The following TIAM1 variants were observed in gnomAD, a reference collection of about 807,000 sequenced individuals.
TIAM1 encodes the protein TIAM Rac1 associated GEF 1.
TIAM1 carries 65 observed loss-of-function variants against 163.5 expected under a neutral mutation model. The observed-to-expected ratio is 0.40, with a 90% CI of 0.33 to 0.49. The LOEUF (loss-of-function observed/expected upper bound fraction) is 0.49. TIAM1 is among the 20% of genes least tolerant of loss of function. The pLI is 0.77. For synonymous variants in TIAM1, 833 were observed against 810.1 expected (o/e 1.03, Z -0.48); for missense variants, 1,789 against 2,044.7 (o/e 0.87, Z 2.41).
intron 2 of TIAM1, among the ~76,000 whole-genome samples, chr21:31,413,264 C>CTTTTTTTTTTTTTTTTT (rs397866519): frequency 4.6e-5 from 4 of 87,876 alleles, no homozygotes; most frequent in Non-Finnish European, 8.1e-5. Flanking sequence ...CTTTTCTTTT[C>CTTTTTTTTTTTTTTTTT]TTTTTTTTTT....
rs151181304 is a variant in TIAM1, at chr21:31,505,734, T to G, written c.-421-41699A>C. Among the ~76,000 whole-genome samples the G allele has an allele frequency of 2.8e-3, 429 of 152,198 alleles. 6 individuals carry two copies. Among genetic ancestry groups the G allele is most frequent in the African/African-American group, 9.3e-3 (385 of 41,536 alleles). On this transcript the variant is annotated intron_variant, in intron 1 of 28. Transcript: ENST00000286827. ...AGCTGATGCCAGGCCGGGCACGGCATCAGATTTTTTTTGTAATCCTAGCAG... is the reference window on the plus strand; with the variant it reads ...AGCTGATGCCAGGCCGGGCACGGCAGCAGATTTTTTTTGTAATCCTAGCAG...
chr21:31,165,265 AT>A (rs1225876923), intron 15 of TIAM1, among the ~76,000 whole-genome samples, 200 bp from the exon 16 acceptor site: 1 of 152,278 alleles, frequency 6.6e-6, no homozygotes, highest in East Asian at 1.9e-4. Flanking sequence ...ATTACTTTAT[AT>A]TTTTCATAAT....
chr21:31,311,135 C>G (rs1209444965), intron 2 of TIAM1, among the ~76,000 whole-genome samples: 1 of 151,324 alleles, frequency 6.6e-6, no homozygotes, highest in East Asian at 2.0e-4. Context: ...CCTGATGTCT[C>G]TGCCATCAGG....
intron 2 of TIAM1, among the ~76,000 whole-genome samples, chr21:31,330,390 CAG>C (rs1206908044): frequency 1.3e-5 from 2 of 152,150 alleles, no homozygotes; most frequent in Non-Finnish European, 2.9e-5. Context: ...CATCCGTGTG[CAG>C]AGTTGTTTTT....
chr21:31,463,770 A>C (rs1399796227), intron 2 of TIAM1, among the ~76,000 whole-genome samples: 1 of 151,338 alleles, frequency 6.6e-6, no homozygotes, highest in Non-Finnish European at 1.5e-5. Context: ...GTGAGCCAAG[A>C]TAGCGCCATT....
chr21:31,222,627 GTGTATGTGTGTA>G (rs1230651911), intron 8 of TIAM1, among the ~76,000 whole-genome samples: 30 of 140,282 alleles, frequency 2.1e-4, no homozygotes, highest in Middle Eastern at 4.2e-3. Context: ...TCCATATATG[GTGTATGTGTGTA>G]TGTATGTGTG....
chr21:31,532,552 A>C (rs2833438), intron 1 of TIAM1, among the ~76,000 whole-genome samples: 25,734 of 152,212 alleles, frequency 0.17, 2,467 homozygotes, highest in Non-Finnish European at 0.22. Flanking sequence ...ATGTCTACCT[A>C]ATCTTTTAAA....
chr21:31,550,241 T>C (rs1041969672), intron 1 of TIAM1, among the ~76,000 whole-genome samples: 22 of 152,094 alleles, frequency 1.4e-4, no homozygotes, highest in Non-Finnish European at 2.9e-4. Flanking sequence ...CCAATGTCTA[T>C]CAACTGATAC....
At chr21:31,243,049 G>A (rs2071282342) in intron 6 of TIAM1, among the ~76,000 whole-genome samples, 1 of 149,898 alleles carries the variant, frequency 6.7e-6, no homozygotes, top group African/African-American at 2.4e-5. Flanking sequence ...AAAATTAGCT[G>A]GGCTTGGTGG....
At chr21:31,394,728 T>TCTCGCTCTCA (rs1279053911) in intron 2 of TIAM1, among the ~76,000 whole-genome samples, 11 of 95,726 alleles carry the variant, frequency 1.1e-4, no homozygotes, top group African/African-American at 4.5e-4. Flanking sequence ...TCTCTCTCTC[T>TCTCGCTCTCA]CACACACACA....
At chr21:31,178,167 T>G (rs187743167) in intron 15 of TIAM1, among the ~76,000 whole-genome samples, 1 of 152,304 alleles carries the variant, frequency 6.6e-6, no homozygotes, top group East Asian at 1.9e-4. Context: ...CACTTTTATC[T>G]TCCACTGTTA....
chr21:31,549,351 T>C (rs2048604613), intron 1 of TIAM1, among the ~76,000 whole-genome samples: 2 of 152,138 alleles, frequency 1.3e-5, no homozygotes, highest in Non-Finnish European at 2.9e-5. Flanking sequence ...AAAATAAATA[T>C]GCATAGGGCA....
intron 8 of TIAM1, among the ~76,000 whole-genome samples, chr21:31,219,129 AAATG>A (rs2087402638): frequency 6.7e-6 from 1 of 148,402 alleles, no homozygotes; most frequent in Admixed American, 7.0e-5. Context: ...GGAACACCCT[AAATG>A]TAAATCTGTC....
At chr21:31,483,117 C>G (rs2046168833) in intron 1 of TIAM1, among the ~76,000 whole-genome samples, 2 of 152,166 alleles carry the variant, frequency 1.3e-5, no homozygotes, top group Admixed American at 1.3e-4. Context: ...TGGCTCCTTC[C>G]TGAAGTCCTC....
rs200034649 is a variant in TIAM1, at chr21:31,421,007, AG to A, written c.-369+42975del. On this transcript the variant is annotated intron_variant, in intron 2 of 28. Transcript: ENST00000286827. ...TATGGTGGCGGGTGCCTGTAATCCC[AG>A]CTACTTCGGAGGCTGAGGCAGGGGA... Among the ~76,000 whole-genome samples the A allele has an allele frequency of 6.1e-3, 929 of 152,080 alleles. 9 individuals carry two copies. The highest frequency in any genetic ancestry group is 0.021 in the African/African-American group (874 of 41,498).
At chr21:31,146,710 C>CAA (rs55662795) in intron 20 of TIAM1, among the ~76,000 whole-genome samples, 185 bp downstream of exon 20, 2,065 of 131,466 alleles carry the variant, frequency 0.016, 61 homozygotes, top group African/African-American at 0.05. Flanking sequence ...GACTCTGTCT[C>CAA]AAAAAAAAAA....
At chr21:31,191,165 T>TC (rs1743839998) in intron 13 of TIAM1, among the ~76,000 whole-genome samples, 1 of 151,982 alleles carries the variant, frequency 6.6e-6, no homozygotes, top group African/African-American at 2.4e-5. Flanking sequence ...GCTTTTCTTT[T>TC]CTTTTTTTTT....
chr21:31,515,521 G>T (rs1180938692), intron 1 of TIAM1, among the ~76,000 whole-genome samples: 1 of 152,144 alleles, frequency 6.6e-6, no homozygotes, highest in Non-Finnish European at 1.5e-5. Context: ...CTCTGTCATT[G>T]TAAGTCCCTC....
chr21:31,548,879 C>A (rs1026771732), intron 1 of TIAM1, among the ~76,000 whole-genome samples: 2 of 152,138 alleles, frequency 1.3e-5, no homozygotes, highest in African/African-American at 4.8e-5. Flanking sequence ...TTGGCCTTTA[C>A]CCACTAGATG....
Sources: gnomAD v4.1 joint callset for allele counts (sites outside exome capture counted in the v4.1 genomes callset) on GRCh38, gnomAD v4.1.1 for gene constraint, MANE v1.5 for transcripts, NCBI Gene and HGNC (gene_info 2026-07-23, HGNC 2026-07-21) for gene names.